The following PRKD1 variants were observed in gnomAD, a reference collection of about 807,000 sequenced individuals.
PRKD1 encodes protein kinase D1, also known as serine/threonine-protein kinase D1.
A neutral mutation model predicts 95.9 loss-of-function variants in PRKD1; 63 were observed. The ratio of observed to expected loss-of-function variants is 0.66; its 90% CI spans 0.54 to 0.81. PRKD1 has a LOEUF of 0.81. PRKD1 is among the 30% of genes least tolerant of loss of function. PRKD1 has a pLI of 0.00. For missense variants in PRKD1, 1,048 were observed against 1,165.3 expected (o/e 0.90, Z 1.47); for synonymous variants, 425 against 423.1 (o/e 1.00, Z -0.05).
At chr14:29,666,332 G>T in intron 2 of PRKD1, 124 bp from the exon 3 acceptor site, 2 of 1,017,528 alleles carry the variant, frequency 2.0e-6, no homozygotes, top group East Asian at 2.8e-5. Flanking sequence ...GGGAAGATAA[G>T]ATGCAACACA....
intron 3 of PRKD1, 127 bp from the exon 4 acceptor site, chr14:29,663,986 A>T: frequency 9.8e-7 from 1 of 1,015,286 alleles, no homozygotes. Flanking sequence ...TTGGAAATTC[A>T]CATTTTCTTT....
chr14:29,728,175 A>G (rs1323117253), intron 1 of PRKD1, among the ~76,000 whole-genome samples: 2 of 152,188 alleles, frequency 1.3e-5, no homozygotes, highest in African/African-American at 2.4e-5. Flanking sequence ...AAAAAAAGAA[A>G]TATCTCCAAT....
At chr14:29,785,248 T>C (rs574578234) in intron 1 of PRKD1, among the ~76,000 whole-genome samples, 1 of 152,328 alleles carries the variant, frequency 6.6e-6, no homozygotes, top group Middle Eastern at 3.4e-3. Flanking sequence ...TCTTTTCTAC[T>C]ACTTAGCCTT....
At chr14:29,921,013 T>C (rs963876005) in intron 1 of PRKD1, among the ~76,000 whole-genome samples, 1 of 152,202 alleles carries the variant, frequency 6.6e-6, no homozygotes, top group African/African-American at 2.4e-5. Context: ...TAAATTTTGG[T>C]CTTGAGAACC....
At chr14:29,914,717 A>G (rs1566669488) in intron 1 of PRKD1, among the ~76,000 whole-genome samples, 1 of 152,118 alleles carries the variant, frequency 6.6e-6, no homozygotes, top group East Asian at 1.9e-4. Context: ...GGGACAGAGC[A>G]ACACTCCATC....
intron 2 of PRKD1, among the ~76,000 whole-genome samples, chr14:29,706,950 G>T (rs540456147): frequency 2.0e-5 from 3 of 152,076 alleles, no homozygotes; most frequent in Non-Finnish European, 4.4e-5. Context: ...GGATGAAAAT[G>T]CATACAAATA....
intron 1 of PRKD1, among the ~76,000 whole-genome samples, chr14:29,920,836 G>A (rs1046797498): frequency 6.6e-6 from 1 of 152,130 alleles, no homozygotes; most frequent in Non-Finnish European, 1.5e-5. Context: ...ATCTCAAAAT[G>A]ACATTTCTGC....
chr14:29,667,620 C>G (rs1882598381), intron 2 of PRKD1, among the ~76,000 whole-genome samples: 1 of 152,128 alleles, frequency 6.6e-6, no homozygotes, highest in Non-Finnish European at 1.5e-5. Context: ...AAATTGGTCT[C>G]TCATACTCAT....
intron 1 of PRKD1, among the ~76,000 whole-genome samples, chr14:29,890,029 T>C (rs1323731672): frequency 1.3e-5 from 2 of 152,250 alleles, no homozygotes; most frequent in Non-Finnish European, 2.9e-5. Flanking sequence ...CTAATGAAGT[T>C]CTCAAATAAG....
At chr14:29,822,716 C>T (rs1303645821) in intron 1 of PRKD1, among the ~76,000 whole-genome samples, 3 of 151,894 alleles carry the variant, frequency 2.0e-5, no homozygotes, top group African/African-American at 7.3e-5. Flanking sequence ...AGTACAGAAT[C>T]CTGGGTTTTG....
chr14:29,709,481 G>T (rs1328673609), intron 2 of PRKD1, among the ~76,000 whole-genome samples: 1 of 152,238 alleles, frequency 6.6e-6, no homozygotes, highest in Middle Eastern at 3.4e-3. Context: ...TCAGGGGGAC[G>T]GTTGTTATAT....
chr14:29,755,145 T>G (rs1359385007), intron 1 of PRKD1, among the ~76,000 whole-genome samples: 4 of 152,152 alleles, frequency 2.6e-5, no homozygotes, highest in African/African-American at 9.7e-5. Context: ...GCTTAACTCT[T>G]CATAGCTTTT....
chr14:29,715,223 T>A, intron 2 of PRKD1, among the ~76,000 whole-genome samples: 1 of 152,100 alleles, frequency 6.6e-6, no homozygotes, highest in East Asian at 1.9e-4. Context: ...AAAGTATTTC[T>A]GCAGGATGTG....
Position 29,636,343 on chromosome 14 carries a change from A to C in PRKD1, c.1137T>G (p.Ser379Arg), listed in dbSNP as rs1880371038. 1 of 1,614,076 alleles carries C rather than the reference A, an allele frequency of 6.2e-7. No individual in the cohort carries two copies. Among genetic ancestry groups the C allele is most frequent in the Non-Finnish European group, 8.5e-7 (1 of 1,180,058 alleles). Residue 379 changes from serine (S) to arginine (R), a missense_variant, in exon 7 of 18, where the codon AGT becomes AGG. Coordinates refer to ENST00000331968, the MANE Select transcript of PRKD1 (RefSeq NM_002742.3). ...EMAMAECQND[S>R]GEMQDPDPDH... ...CTGGGTCTGGATCTTGCATCTCGCCACTGTCGTTCTGGCACTCTGCCATTG... is the reference window on the plus strand; with the variant it reads ...CTGGGTCTGGATCTTGCATCTCGCCCCTGTCGTTCTGGCACTCTGCCATTG...
At chr14:29,909,084 C>A (rs1894603199) in intron 1 of PRKD1, among the ~76,000 whole-genome samples, 1 of 152,186 alleles carries the variant, frequency 6.6e-6, no homozygotes, top group Non-Finnish European at 1.5e-5. Flanking sequence ...GGGCCCCACA[C>A]TCAGAGTGGC....
At chr14:29,688,781 A>G (rs1476785852) in intron 2 of PRKD1, among the ~76,000 whole-genome samples, 1 of 151,758 alleles carries the variant, frequency 6.6e-6, no homozygotes, top group Non-Finnish European at 1.5e-5. Context: ...AAATACAAAA[A>G]AATTAGCCGG....
chr14:29,776,291 C>T (rs377084516), intron 1 of PRKD1, among the ~76,000 whole-genome samples: 46 of 152,272 alleles, frequency 3.0e-4, no homozygotes, highest in East Asian at 1.7e-3. Flanking sequence ...CAAAGCTGGA[C>T]GGAGAATGAC....
chr14:29,882,128 C>T (rs907318646), intron 1 of PRKD1, among the ~76,000 whole-genome samples: 17 of 137,898 alleles, frequency 1.2e-4, no homozygotes, highest in African/African-American at 4.0e-4. Context: ...ATATGAATAA[C>T]TTTCTTGATT....
intron 1 of PRKD1, among the ~76,000 whole-genome samples, chr14:29,782,253 C>A (rs1889079911): frequency 6.6e-6 from 1 of 152,098 alleles, no homozygotes; most frequent in Admixed American, 6.6e-5. Context: ...GATCTGCTTT[C>A]AAAAGCACTT....
Sources: gnomAD v4.1 joint callset for allele counts (sites outside exome capture counted in the v4.1 genomes callset) on GRCh38, gnomAD v4.1.1 for gene constraint, MANE v1.5 for transcripts, NCBI Gene and HGNC (gene_info 2026-07-23, HGNC 2026-07-21) for gene names.